KIRREL3: variants seen among roughly 807,000 people sequenced by gnomAD.
KIRREL3 encodes kin of IRRE-like protein 3.
A neutral mutation model predicts 89.7 loss-of-function variants in KIRREL3; 36 were observed. The observed-to-expected ratio is 0.40, with a 90% CI of 0.31 to 0.53. KIRREL3 has a LOEUF of 0.53. KIRREL3 is among the 20% of genes least tolerant of loss of function. The probability of loss-of-function intolerance (pLI) is 0.49; values close to 1 mark genes in which losing one functional copy is unlikely to be tolerated. For missense variants in KIRREL3, 864 were observed against 1,056.6 expected, an observed-to-expected ratio of 0.82 and a Z score of 2.53; for synonymous variants, 445 against 441.4, an observed-to-expected ratio of 1.01 and a Z score of -0.10.
In KIRREL3 at chr11:126,676,645, C is replaced by T. The variant is rs949291490; in HGVS notation, c.56-113733G>A. ...AAACTCAGACGTGGTCCTGGACTCT[C>T]CTTGCCTGGACTTGAGGTAACTGCC... On this transcript the variant is annotated intron_variant, in intron 1 of 16. Coordinates refer to ENST00000525144, the MANE Select transcript of KIRREL3 (RefSeq NM_032531.4). This position sits in a 1 kb window ranked among gnomAD's most constrained non-coding sequence, Gnocchi z 4.5. 6.6e-6 allele frequency among the ~76,000 whole-genome samples: 1 copy of T among 152,160 alleles called. No homozygotes were observed. Among genetic ancestry groups the T allele is most frequent in the African/African-American group, 2.4e-5 (1 of 41,434 alleles).
At position 126,953,484 on chromosome 11, in the gene KIRREL3, A is replaced by ATG. The variant is rs1175373056; in HGVS notation, c.55+46970_55+46971insCA. 6.6e-6 allele frequency among the ~76,000 whole-genome samples: 1 copy of ATG among 152,118 alleles called. No individual in the cohort carries two copies. The highest frequency in any genetic ancestry group is 2.4e-5 in the African/African-American group (1 of 41,418). ...ATCCCAGAACTTAAAGTATATATAT[A>ATG]AAAAAGAATAACTAGAGTTTTGTTC... On this transcript the variant is annotated intron_variant, in intron 1 of 16. Coordinates refer to ENST00000525144, the MANE Select transcript of KIRREL3 (RefSeq NM_032531.4). The surrounding 1 kb of genome is among the most constrained non-coding windows in gnomAD (Gnocchi z 5.2).
Position 126,906,081 on chromosome 11 carries a change from A to G in KIRREL3, c.55+94374T>C, listed in dbSNP as rs1946571327. Among the ~76,000 whole-genome samples the G allele has an allele frequency of 6.6e-6, 1 of 152,208 alleles. No individual in the cohort carries two copies. Among genetic ancestry groups the G allele is most frequent in the Non-Finnish European group, 1.5e-5 (1 of 68,036 alleles). ...AAGGCCGGGAGGTGTGCAGAGCCCC[A>G]GGCTCCAATCACACTGCAGCAGGAG... is the stretch of plus-strand genomic sequence containing the variant. On this transcript the variant is annotated intron_variant, in intron 1 of 16. Coordinates refer to ENST00000525144, the MANE Select transcript of KIRREL3 (RefSeq NM_032531.4). This position sits in a 1 kb window ranked among gnomAD's most constrained non-coding sequence, Gnocchi z 4.1.
intron 1 of KIRREL3, among the ~76,000 whole-genome samples, chr11:126,984,963 A>G (rs777372565): frequency 2.0e-5 from 3 of 152,170 alleles, no homozygotes; most frequent in Non-Finnish European, 4.4e-5. Flanking sequence ...AGGCCACTTA[A>G]AATAACCTGG....
chr11:126,730,808 G>T (rs954485609), intron 1 of KIRREL3, among the ~76,000 whole-genome samples: 45 of 151,964 alleles, frequency 3.0e-4, no homozygotes, highest in African/African-American at 1.0e-3. Context: ...GTGCCATCTC[G>T]GCTCACTGCA....
At chr11:126,580,889 T>C (rs548083538) in intron 1 of KIRREL3, among the ~76,000 whole-genome samples, 1 of 150,096 alleles carries the variant, frequency 6.7e-6, no homozygotes, top group Non-Finnish European at 1.5e-5. Context: ...TGCACTTGAA[T>C]CTCAATGGCA....
intron 2 of KIRREL3, among the ~76,000 whole-genome samples, chr11:126,560,700 A>G (rs1940053432): frequency 6.6e-6 from 1 of 152,258 alleles, no homozygotes. Context: ...CAGAACAAAT[A>G]TGCTTTAATA....
intron 1 of KIRREL3, among the ~76,000 whole-genome samples, chr11:126,937,823 A>C (rs1268607587): frequency 1.3e-5 from 2 of 152,122 alleles, no homozygotes; most frequent in East Asian, 1.9e-4. Flanking sequence ...GGTGTGAACC[A>C]AGGAGGCGGA....
upstream of KIRREL3, among the ~76,000 whole-genome samples, chr11:127,002,403 C>T (rs1253828535): frequency 6.6e-6 from 1 of 152,178 alleles, no homozygotes; most frequent in African/African-American, 2.4e-5. Context: ...AGCCCATTAG[C>T]TAAATTAACA....
rs188239950 is a variant in KIRREL3 at position 126,526,434 on chromosome 11, C to T, written c.283+104G>A. On this transcript the variant is annotated intron_variant, in intron 3 of 16. Transcript: ENST00000525144. This position sits in a 1 kb window ranked among gnomAD's most constrained non-coding sequence, Gnocchi z 5.7. Reference sequence around the variant, plus strand: ...GGAGTTGCAGTGAAAGCTAGAGATTCGATACTCAGACACCTGTGAAGATGG... The same window carrying T: ...GGAGTTGCAGTGAAAGCTAGAGATTTGATACTCAGACACCTGTGAAGATGG... 163 of 1,142,428 alleles carry T rather than the reference C, an allele frequency of 1.4e-4. 1 individual carries two copies. The East Asian group carries it at 1.8e-3, about 13-fold the overall frequency. 70.8% of individuals were successfully genotyped at this position (1,142,428 alleles called of 1,614,324 possible).
In KIRREL3 at chr11:126,527,944, C is replaced by T. The variant is rs761431765; in HGVS notation, c.134-1257G>A. On this transcript the variant is annotated intron_variant, in intron 2 of 16. Transcript: ENST00000525144. The surrounding 1 kb of genome is among the most constrained non-coding windows in gnomAD (Gnocchi z 4.2). ...CAATGGAACATTGACATTCGCTGAG[C>T]ATCTGGCCCACAGTACAACCAGTAC... is the stretch of plus-strand genomic sequence containing the variant. 6.6e-6 allele frequency among the ~76,000 whole-genome samples: 1 copy of T among 152,200 alleles called. No homozygotes were observed. The highest frequency in any genetic ancestry group is 1.5e-5 in the Non-Finnish European group (1 of 68,044).
At chr11:126,950,804 C>A (rs567924856) in intron 1 of KIRREL3, among the ~76,000 whole-genome samples, 1 of 152,220 alleles carries the variant, frequency 6.6e-6, no homozygotes, top group East Asian at 1.9e-4. Flanking sequence ...CATAGAGCAC[C>A]AAAGCTCCTC....
At chr11:126,975,543 G>T (rs1949541780) in intron 1 of KIRREL3, among the ~76,000 whole-genome samples, 1 of 152,144 alleles carries the variant, frequency 6.6e-6, no homozygotes. Context: ...TGGAAGATTT[G>T]TTGATTAGAA....
intron 12 of KIRREL3, 45 bp from the exon 13 acceptor site, chr11:126,435,348 C>A: frequency 6.2e-7 from 1 of 1,605,698 alleles, no homozygotes; most frequent in South Asian, 1.1e-5. Flanking sequence ...GCCTGGCTGG[C>A]CAGGGTGGGG....
rs948530619 is a variant in KIRREL3, at chr11:126,686,406, C to G, written c.56-123494G>C. Reference sequence around the variant, plus strand: ...TGATGAGCTGCAGAGACAGAAGACACCATCCTATTTTTATAAGCCTTGTGG... The same window carrying G: ...TGATGAGCTGCAGAGACAGAAGACAGCATCCTATTTTTATAAGCCTTGTGG... On this transcript the variant is annotated intron_variant, in intron 1 of 16. Transcript: ENST00000525144. The surrounding 1 kb of genome is among the most constrained non-coding windows in gnomAD (Gnocchi z 4.7). 1.3e-5 allele frequency among the ~76,000 whole-genome samples: 2 copies of G among 152,052 alleles called. No homozygotes were observed. The highest frequency in any genetic ancestry group is 2.4e-5 in the African/African-American group (1 of 41,394).
Position 126,601,923 on chromosome 11 carries a change from T to C in KIRREL3, c.56-39011A>G, listed in dbSNP as rs1942675461. On this transcript the variant is annotated intron_variant, in intron 1 of 16. Transcript: ENST00000525144. This position sits in a 1 kb window ranked among gnomAD's most constrained non-coding sequence, Gnocchi z 5.8. ...TTTAGGAGACAAGGGGTCCTGTGTG[T>C]GTTTGAGATGAAACAAGGTCACCTG... 6.6e-6 allele frequency among the ~76,000 whole-genome samples: 1 copy of C among 152,174 alleles called. No homozygotes were observed. Among genetic ancestry groups the C allele is most frequent in the East Asian group, 1.9e-4 (1 of 5,194 alleles).
intron 1 of KIRREL3, among the ~76,000 whole-genome samples, chr11:126,922,982 C>T (rs1284662212): frequency 1.3e-5 from 2 of 152,204 alleles, no homozygotes; most frequent in African/African-American, 2.4e-5. Context: ...TCCCTCGAGT[C>T]GGTGCCCTTG....
chr11:126,616,195 G>A (rs571921054), intron 1 of KIRREL3, among the ~76,000 whole-genome samples: 7 of 152,270 alleles, frequency 4.6e-5, no homozygotes, highest in East Asian at 1.9e-4. Flanking sequence ...GGCGTTGCCC[G>A]TTCATGGGCG....
intron 1 of KIRREL3, among the ~76,000 whole-genome samples, chr11:126,825,639 AC>A (rs777268153): frequency 6.6e-6 from 1 of 152,224 alleles, no homozygotes; most frequent in Non-Finnish European, 1.5e-5. Context: ...GAAAGGGAAT[AC>A]TACATTCCTG....
chr11:126,914,221 G>A (rs1259954472), intron 1 of KIRREL3, among the ~76,000 whole-genome samples: 1 of 152,198 alleles, frequency 6.6e-6, no homozygotes, highest in Non-Finnish European at 1.5e-5. Context: ...GTGGAGTAGG[G>A]CCACAGCTGA....
Sources: allele counts gnomAD v4.1 joint callset (sites outside exome capture counted in the v4.1 genomes callset), GRCh38; gene constraint gnomAD v4.1.1; non-coding constraint Gnocchi (gnomAD v3.1); transcripts MANE v1.5; gene names NCBI Gene and HGNC (gene_info 2026-07-23, HGNC 2026-07-21).